Variants in THSD7B observed in about 807,000 individuals in gnomAD.
THSD7B encodes thrombospondin type-1 domain-containing protein 7B.
In THSD7B, 138 loss-of-function variants were observed where a neutral mutation model predicts 213.6. The ratio of observed to expected loss-of-function variants is 0.65; its 90% CI spans 0.56 to 0.74. THSD7B has a LOEUF of 0.74. Among genes scored for constraint, THSD7B ranks in the 30% least tolerant of loss-of-function variants. The pLI is 0.00. For synonymous variants in THSD7B, 742 were observed against 687.0 expected (o/e 1.08, Z -1.25); for missense variants, 1,931 against 1,991.5 (o/e 0.97, Z 0.58).
intron 3 of THSD7B, among the ~76,000 whole-genome samples, chr2:137,084,536 G>T (rs4954370): frequency 0.2 from 30,178 of 152,082 alleles, 4,565 homozygotes; most frequent in African/African-American, 0.42. Flanking sequence ...CTTCTTTGCA[G>T]TATATTTGAG....
intron 1 of THSD7B, among the ~76,000 whole-genome samples, chr2:136,874,595 T>G (rs894636120): frequency 3.3e-5 from 5 of 152,240 alleles, no homozygotes; most frequent in Admixed American, 2.6e-4. Context: ...TTGCACCTTT[T>G]AAATATTTAA....
At chr2:136,889,811 C>T (rs72617046) in intron 2 of THSD7B, among the ~76,000 whole-genome samples, 34,362 of 152,082 alleles carry the variant, frequency 0.23, 4,794 homozygotes, top group East Asian at 0.65. Context: ...ATCTGTGGAA[C>T]ATCCTTTTGC....
chr2:137,064,731 C>T (rs1687344279), intron 3 of THSD7B, among the ~76,000 whole-genome samples: 1 of 151,908 alleles, frequency 6.6e-6, no homozygotes, highest in Non-Finnish European at 1.5e-5. Flanking sequence ...TAGGGATATC[C>T]AGTTTTCCTA....
intron 7 of THSD7B, among the ~76,000 whole-genome samples, chr2:137,213,505 T>C (rs577777199): frequency 1.5e-4 from 23 of 148,848 alleles, no homozygotes; most frequent in Non-Finnish European, 3.3e-4. Flanking sequence ...TATAATATGC[T>C]ATATATATTC....
intron 2 of THSD7B, among the ~76,000 whole-genome samples, chr2:136,977,744 T>G (rs1161139559): frequency 6.6e-6 from 1 of 152,034 alleles, no homozygotes; most frequent in Non-Finnish European, 1.5e-5. Context: ...AGGAGTAGGT[T>G]TTTCAATTTC....
At position 136,899,487 on chromosome 2, in the gene THSD7B, C is replaced by T. The variant is rs530218524; in HGVS notation, c.139+17170C>T. On this transcript the variant is annotated intron_variant, in intron 2 of 27. Transcript: ENST00000409968. The stretch of plus-strand genomic sequence containing the variant: ...ATTGGACAATATATTTCAGTAAACG[C>T]ACAAATCGGTTTTGTACTTCAGTTT... Among the ~76,000 whole-genome samples, 28 of 152,256 alleles carry T rather than the reference C, an allele frequency of 1.8e-4. No homozygotes were observed. The South Asian group carries it at 5.4e-3, about 29-fold the overall frequency.
In THSD7B at chr2:137,096,737, T is replaced by A. The variant is rs576456075; in HGVS notation, c.1199+1616T>A. On this transcript the variant is annotated intron_variant, in intron 4 of 27. Transcript: ENST00000409968. ...AACATTGAAATACCTGGATTAAAAT[T>A]GTATCTTCATCACTTACTAGCAGTA... Among the ~76,000 whole-genome samples the A allele has an allele frequency of 7.2e-5, 11 of 152,312 alleles. No homozygotes were observed. In the South Asian group the frequency reaches 2.3e-3, roughly 32 times the overall value.
At chr2:137,555,804 A>G (rs1680949467) in intron 15 of THSD7B, among the ~76,000 whole-genome samples, 3 of 152,226 alleles carry the variant, frequency 2.0e-5, no homozygotes, top group Admixed American at 2.0e-4. Flanking sequence ...AAAAAAGACT[A>G]GACGAATGGC....
intron 17 of THSD7B, among the ~76,000 whole-genome samples, chr2:137,586,391 G>T (rs1182102344): frequency 2.6e-5 from 4 of 152,098 alleles, no homozygotes; most frequent in African/African-American, 9.7e-5. Flanking sequence ...ATGCTAGCTG[G>T]TTATTTTGCC....
chr2:137,300,640 G>C (rs1177186444), intron 12 of THSD7B, among the ~76,000 whole-genome samples: 2 of 152,170 alleles, frequency 1.3e-5, no homozygotes, highest in East Asian at 1.9e-4. Flanking sequence ...TGAAAATCTA[G>C]AGATGGATGA....
At chr2:137,523,445 A>G (rs1169539559) in intron 15 of THSD7B, among the ~76,000 whole-genome samples, 5 of 152,172 alleles carry the variant, frequency 3.3e-5, no homozygotes, top group East Asian at 1.9e-4. Context: ...TACTTTGTGT[A>G]TTCATACAGA....
At chr2:137,465,568 CAG>C (rs1434370408) in intron 15 of THSD7B, among the ~76,000 whole-genome samples, 1 of 152,114 alleles carries the variant, frequency 6.6e-6, no homozygotes, top group African/African-American at 2.4e-5. Flanking sequence ...AACTGGGACT[CAG>C]AGCGGTGATG....
intron 24 of THSD7B, among the ~76,000 whole-genome samples, chr2:137,657,958 G>A (rs572173308): frequency 3.9e-5 from 6 of 152,216 alleles, no homozygotes; most frequent in East Asian, 1.9e-4. Context: ...TAATCTGCCC[G>A]CCTCGGCCTC....
At chr2:136,884,110 T>C (rs1376385014) in intron 2 of THSD7B, among the ~76,000 whole-genome samples, 2 of 146,368 alleles carry the variant, frequency 1.4e-5, no homozygotes, top group Middle Eastern at 3.2e-3. Flanking sequence ...TTTATGCATG[T>C]TTATGTGTAT....
intron 7 of THSD7B, among the ~76,000 whole-genome samples, chr2:137,218,405 A>G (rs774450277): frequency 1.3e-5 from 2 of 152,080 alleles, no homozygotes; most frequent in Non-Finnish European, 2.9e-5. Context: ...TATTTTATTT[A>G]TATTTAAATA....
At chr2:137,584,531 A>C (rs1681669506) in intron 17 of THSD7B, among the ~76,000 whole-genome samples, 1 of 152,184 alleles carries the variant, frequency 6.6e-6, no homozygotes, top group Admixed American at 6.5e-5. Context: ...GTTTATTGAG[A>C]GTTTTTAGCA....
intron 12 of THSD7B, among the ~76,000 whole-genome samples, chr2:137,325,970 T>C (rs1684366488): frequency 6.6e-6 from 1 of 152,204 alleles, no homozygotes; most frequent in Non-Finnish European, 1.5e-5. Flanking sequence ...CTCTTAAATG[T>C]GAGGGAGCAT....
chr2:137,639,301 A>G (rs1484869771), intron 20 of THSD7B, among the ~76,000 whole-genome samples: 2 of 152,150 alleles, frequency 1.3e-5, no homozygotes, highest in African/African-American at 2.4e-5. Context: ...GGCAGCTTCC[A>G]TGTGGTGTTG....
At chr2:137,296,613 T>G (rs1683469227) in intron 12 of THSD7B, among the ~76,000 whole-genome samples, 1 of 152,174 alleles carries the variant, frequency 6.6e-6, no homozygotes, top group Non-Finnish European at 1.5e-5. Flanking sequence ...TAATGGTTAA[T>G]TACCAATACT....
Sources: gnomAD v4.1 joint callset for allele counts (sites outside exome capture counted in the v4.1 genomes callset) on GRCh38, gnomAD v4.1.1 for gene constraint, MANE v1.5 for transcripts, NCBI Gene and HGNC (gene_info 2026-07-23, HGNC 2026-07-21) for gene names.